The following DPH6 variants were observed in gnomAD, a reference collection of about 807,000 sequenced individuals.
DPH6 encodes the protein diphthine--ammonia ligase.
In DPH6, 33 loss-of-function variants were observed where a neutral mutation model predicts 38.2. That is an observed-to-expected ratio of 0.86 (90% confidence interval 0.65 to 1.15). The LOEUF is 1.15. Ranked by LOEUF, DPH6 falls within the 50% of genes most tolerant of loss-of-function variation. DPH6 has a pLI of 0.00. For missense variants in DPH6, 325 were observed against 320.0 expected (o/e 1.02, Z -0.12); for synonymous variants, 108 against 103.0 (o/e 1.05, Z -0.30).
At chr15:35,343,715 G>A (rs758068019) in intron 3 of DPH6, among the ~76,000 whole-genome samples, 1 of 151,934 alleles carries the variant, frequency 6.6e-6, no homozygotes, top group Non-Finnish European at 1.5e-5. Context: ...TGGATTTGGT[G>A]ACATTGTATA....
chr15:35,225,863 T>C (rs1166554312), intron 3 of DPH6, among the ~76,000 whole-genome samples: 1 of 152,252 alleles, frequency 6.6e-6, no homozygotes, highest in Non-Finnish European at 1.5e-5. Flanking sequence ...GTATCTTGAA[T>C]TGTTCTACCT....
At chr15:35,191,331 A>G in the DPH6 span, among the ~76,000 whole-genome samples, 1 of 152,296 alleles carries the variant, frequency 6.6e-6, no homozygotes, top group East Asian at 1.9e-4. Flanking sequence ...ATGTCCTTTA[A>G]GTAGCATCTT....
intron 5 of DPH6, 58 bp from the exon 6 acceptor site, chr15:35,410,954 C>T (rs2053358546): frequency 1.3e-6 from 2 of 1,497,694 alleles, no homozygotes; most frequent in African/African-American, 1.4e-5. Flanking sequence ...TTTAAAGACA[C>T]ATTCCCCTTC....
intron 3 of DPH6, among the ~76,000 whole-genome samples, chr15:35,306,719 C>G (rs2052094928): frequency 6.6e-6 from 1 of 152,182 alleles, no homozygotes; most frequent in Non-Finnish European, 1.5e-5. Context: ...TGCTTTCATT[C>G]TTGACCATAT....
At chr15:35,217,425 C>G (rs761666830) in exon 4 of DPH6, 3 of 152,268 alleles carry the variant, frequency 2.0e-5, no homozygotes, top group Non-Finnish European at 4.4e-5. Flanking sequence ...GATCTCGGCT[C>G]ATTGCAACCT....
At chr15:35,200,264 G>A in the DPH6 span, among the ~76,000 whole-genome samples, 1 of 151,930 alleles carries the variant, frequency 6.6e-6, no homozygotes, top group South Asian at 2.1e-4. Flanking sequence ...AGAATTCTGG[G>A]GCAAAATGGA....
chr15:35,320,337 A>T (rs1371958718), intron 3 of DPH6, among the ~76,000 whole-genome samples: 1 of 151,954 alleles, frequency 6.6e-6, no homozygotes, highest in African/African-American at 2.4e-5. Flanking sequence ...AGATGATTAC[A>T]TGGGCTCTGG....
intron 3 of DPH6, among the ~76,000 whole-genome samples, chr15:35,352,264 A>G (rs2052519425): frequency 6.6e-6 from 1 of 151,944 alleles, no homozygotes; most frequent in Non-Finnish European, 1.5e-5. Flanking sequence ...AAGCAGTCCT[A>G]GTGATAATGA....
the DPH6 span, among the ~76,000 whole-genome samples, chr15:35,185,030 G>A: frequency 3.3e-5 from 5 of 151,746 alleles, no homozygotes; most frequent in African/African-American, 1.2e-4. Flanking sequence ...GACTTGAATT[G>A]AAAGTGAAGA....
chr15:35,261,801 C>A (rs557716135), intron 3 of DPH6, among the ~76,000 whole-genome samples: 3 of 151,294 alleles, frequency 2.0e-5, no homozygotes, highest in African/African-American at 7.3e-5. Context: ...CCACTGCACT[C>A]CAGCCTGGGC....
chr15:35,294,557 GTTTT>G (rs35494205), intron 3 of DPH6, among the ~76,000 whole-genome samples: 1 of 151,462 alleles, frequency 6.6e-6, no homozygotes, highest in Admixed American at 6.6e-5. Flanking sequence ...CTCCTTTGCC[GTTTT>G]TTTTGTCTTC....
chr15:35,219,690 C>T (rs1236549645), exon 4 of DPH6: 1 of 152,106 alleles, frequency 6.6e-6, no homozygotes, highest in Non-Finnish European at 1.5e-5. Flanking sequence ...GTAAATAAAA[C>T]AGTGCTAAGT....
At chr15:35,352,585 C>T (rs1825828139) in intron 3 of DPH6, among the ~76,000 whole-genome samples, 1 of 152,194 alleles carries the variant, frequency 6.6e-6, no homozygotes, top group African/African-American at 2.4e-5. Flanking sequence ...CCAGCTTCAT[C>T]CGTGTCCCTA....
the DPH6 span, among the ~76,000 whole-genome samples, chr15:35,184,193 G>A: frequency 4.6e-5 from 7 of 152,232 alleles, no homozygotes; most frequent in Admixed American, 2.6e-4. Context: ...CTATATGTTT[G>A]TTTACTGTGT....
In DPH6 at chr15:35,259,889, C is replaced by A. The variant is rs1184063468; in HGVS notation, n.201-39307G>T. 2.0e-5 allele frequency among the ~76,000 whole-genome samples: 3 copies of A among 152,148 alleles called. 1 individual carries two copies. Among genetic ancestry groups the A allele is most frequent in the African/African-American group, 7.2e-5 (3 of 41,444 alleles). On this transcript the variant is annotated intron_variant and non_coding_transcript_variant, in intron 3 of 3. Coordinates refer to the DPH6 transcript ENST00000560386. Reference sequence around the variant, plus strand: ...GCAGAGAGGGAGTCACTAGACTCAGCTCATAAATGATACCAAGAAGTGAAA... The same window carrying A: ...GCAGAGAGGGAGTCACTAGACTCAGATCATAAATGATACCAAGAAGTGAAA...
Position 35,454,832 on chromosome 15 carries a change from G to A in DPH6, c.313-12C>T. On this transcript the variant is annotated splice_polypyrimidine_tract_variant and intron_variant, in intron 3 of 8. Coordinates refer to ENST00000256538, the MANE Select transcript of DPH6 (RefSeq NM_080650.4). Reference sequence around the variant, plus strand: ...ACTTCTTCTTTTTCCTGAAAATAAAGAAAAAAACCATAACTTTAAAAATAA... The same window carrying A: ...ACTTCTTCTTTTTCCTGAAAATAAAAAAAAAAACCATAACTTTAAAAATAA... The A allele has an allele frequency of 1.3e-6, 2 of 1,577,136 alleles. No homozygotes were observed.
chr15:35,359,038 T>G (rs2052591620), intron 3 of DPH6, among the ~76,000 whole-genome samples: 1 of 152,010 alleles, frequency 6.6e-6, no homozygotes, highest in African/African-American at 2.4e-5. Context: ...GCTCAGACTC[T>G]CCGTGGGCGT....
intron 5 of DPH6, among the ~76,000 whole-genome samples, chr15:35,439,351 C>G (rs1048669558): frequency 6.6e-6 from 1 of 152,328 alleles, no homozygotes; most frequent in East Asian, 1.9e-4. Context: ...GTGGGGTATA[C>G]TCCTGTGAAC....
chr15:35,320,002 T>C (rs947230327), intron 3 of DPH6, among the ~76,000 whole-genome samples: 1 of 152,170 alleles, frequency 6.6e-6, no homozygotes, highest in Non-Finnish European at 1.5e-5. Flanking sequence ...CATGGAGCTA[T>C]GTGAAAATTA....
Sources: gnomAD v4.1 joint callset for allele counts (sites outside exome capture counted in the v4.1 genomes callset) on GRCh38, gnomAD v4.1.1 for gene constraint, MANE v1.5 for transcripts, NCBI Gene and HGNC (gene_info 2026-07-23, HGNC 2026-07-21) for gene names.